Variants in TSPAN5 observed in about 807,000 individuals in gnomAD.
TSPAN5 encodes tetraspanin-5.
Under a neutral mutation model 37.1 loss-of-function variants are expected in TSPAN5, and 10 were observed. The ratio of observed to expected loss-of-function variants is 0.27; its 90% CI spans 0.17 to 0.46. The LOEUF is 0.46. TSPAN5 is among the 20% of genes least tolerant of loss of function. TSPAN5 has a pLI of 1.00. For missense variants in TSPAN5, 195 were observed against 326.6 expected, an observed-to-expected ratio of 0.60 and a Z score of 3.11; for synonymous variants, 110 against 118.9, an observed-to-expected ratio of 0.93 and a Z score of 0.48.
intron 1 of TSPAN5, among the ~76,000 whole-genome samples, chr4:98,630,343 A>G (rs1266736136): frequency 6.6e-6 from 1 of 152,210 alleles, no homozygotes; most frequent in Admixed American, 6.5e-5. Context: ...CCCGCCTCCA[A>G]TACATACAGC....
At position 98,643,968 on chromosome 4, in the gene TSPAN5, C is replaced by T. The variant is rs191544299; in HGVS notation, c.81+14178G>A. Among the ~76,000 whole-genome samples, 152 of 152,322 alleles carry T rather than the reference C, an allele frequency of 1.0e-3. 1 individual carries two copies. The highest frequency in any genetic ancestry group is 1.2e-3 in the Non-Finnish European group (85 of 68,022). ...AAACAGGTGCTCAGGAAGTTCCCAG[C>T]CCGTCTTCTGCCTCCATAAGGTCAT... is the stretch of plus-strand genomic sequence containing the variant. On this transcript the variant is annotated intron_variant, in intron 1 of 7. Coordinates refer to ENST00000305798, the MANE Select transcript of TSPAN5 (RefSeq NM_005723.4).
intron 1 of TSPAN5, among the ~76,000 whole-genome samples, chr4:98,589,603 T>C: frequency 6.6e-6 from 1 of 152,186 alleles, no homozygotes; most frequent in Non-Finnish European, 1.5e-5. Flanking sequence ...GCTTCTTTTC[T>C]CCAACTGCCT....
At chr4:98,656,390 G>T (rs1402970969) in intron 1 of TSPAN5, among the ~76,000 whole-genome samples, 1 of 152,162 alleles carries the variant, frequency 6.6e-6, no homozygotes, top group Non-Finnish European at 1.5e-5. Context: ...GAAACAAGAG[G>T]CCTGAACTCA....
chr4:98,583,689 C>A (rs771044993), intron 1 of TSPAN5, among the ~76,000 whole-genome samples: 2 of 152,228 alleles, frequency 1.3e-5, no homozygotes, highest in Non-Finnish European at 2.9e-5. Context: ...CTTCACTACA[C>A]GGCCTTGGCC....
chr4:98,476,661 C>G (rs908909098), intron 5 of TSPAN5, among the ~76,000 whole-genome samples: 1 of 152,104 alleles, frequency 6.6e-6, no homozygotes, highest in Non-Finnish European at 1.5e-5. Context: ...TTAAAATATG[C>G]CCTATTTTAC....
chr4:98,530,108 G>A (rs938096135), intron 1 of TSPAN5, among the ~76,000 whole-genome samples: 6 of 152,152 alleles, frequency 3.9e-5, no homozygotes, highest in African/African-American at 1.4e-4. Flanking sequence ...CATCAGGCAT[G>A]GGCCTACTCT....
intron 1 of TSPAN5, among the ~76,000 whole-genome samples, chr4:98,552,402 C>T (rs1389184381): frequency 2.0e-5 from 3 of 152,200 alleles, no homozygotes; most frequent in Admixed American, 2.0e-4. Context: ...TTTTCATTTT[C>T]ATTCAAGGAA....
chr4:98,631,522 G>A (rs1756748595), intron 1 of TSPAN5, among the ~76,000 whole-genome samples: 1 of 151,812 alleles, frequency 6.6e-6, no homozygotes, highest in African/African-American at 2.4e-5. Context: ...CCTCCAGACT[G>A]CCTGGGCCTC....
intron 1 of TSPAN5, chr4:98,560,039 GA>G (rs1337610723): frequency 6.6e-6 from 1 of 152,140 alleles, no homozygotes; most frequent in African/African-American, 2.4e-5. Context: ...TCTTAAAGTG[GA>G]AAATGTAATT....
chr4:98,576,308 T>G (rs1371392181), intron 1 of TSPAN5, among the ~76,000 whole-genome samples: 1 of 152,206 alleles, frequency 6.6e-6, no homozygotes, highest in African/African-American at 2.4e-5. Flanking sequence ...AACTTAAACT[T>G]ACATTGCTAA....
intron 2 of TSPAN5, among the ~76,000 whole-genome samples, chr4:98,492,253 T>C (rs1753100781): frequency 6.6e-6 from 1 of 152,134 alleles, no homozygotes; most frequent in South Asian, 2.1e-4. Context: ...CTCCAGAGCC[T>C]TGTGAAGCAT....
Position 98,472,327 on chromosome 4 carries a change from C to T in TSPAN5, c.*195G>A. 1 of 473,174 alleles carries T rather than the reference C, an allele frequency of 2.1e-6. No individual in the cohort carries two copies. The highest frequency in any genetic ancestry group is 3.3e-5 in the East Asian group (1 of 29,908). The allele number at this position is 473,174 out of a possible 1,614,324, so 29.3% of individuals were successfully genotyped here. On this transcript the variant is annotated 3_prime_UTR_variant, in exon 8 of 8. Coordinates refer to ENST00000305798, the MANE Select transcript of TSPAN5 (RefSeq NM_005723.4). ...GATTCACGGCGCAACGACTTTCATA[C>T]TGGTTATTTTTTTTTTTAATTCTGT...
intron 1 of TSPAN5, among the ~76,000 whole-genome samples, chr4:98,556,025 CACACACACAGCA>C (rs1481878008): frequency 7.9e-6 from 1 of 126,424 alleles, no homozygotes; most frequent in African/African-American, 2.9e-5. Flanking sequence ...CACACACCCC[CACACACACAGCA>C]CCCCCACACA....
At chr4:98,534,673 G>A (rs1267919676) in intron 1 of TSPAN5, among the ~76,000 whole-genome samples, 2 of 152,188 alleles carry the variant, frequency 1.3e-5, no homozygotes, top group Non-Finnish European at 2.9e-5. Context: ...AGGTCTCTAA[G>A]AACTTGCTTT....
In TSPAN5 at chr4:98,471,054, G is replaced by A. The variant is rs1444440471; in HGVS notation, c.*1468C>T. 6.6e-6 allele frequency: 1 copy of A among 152,188 alleles called. No individual in the cohort carries two copies. Among genetic ancestry groups the A allele is most frequent in the African/African-American group, 2.4e-5 (1 of 41,438 alleles). The allele number at this position is 152,188 out of a possible 1,614,324, so 9.4% of individuals were successfully genotyped here. The stretch of plus-strand genomic sequence containing the variant: ...CTCGTCCCTCCCACCTAAAGTGGGG[G>A]CAGGAGCGGCAGCACCAGGAAGTGG... On this transcript the variant is annotated 3_prime_UTR_variant, in exon 8 of 8. Coordinates refer to ENST00000305798, the MANE Select transcript of TSPAN5 (RefSeq NM_005723.4).
At chr4:98,605,166 A>C (rs926529176) in intron 1 of TSPAN5, among the ~76,000 whole-genome samples, 1 of 152,190 alleles carries the variant, frequency 6.6e-6, no homozygotes, top group Admixed American at 6.5e-5. Flanking sequence ...TGAAACAAAG[A>C]ACTATTTTCA....
chr4:98,609,566 C>T (rs1756131389), intron 1 of TSPAN5, among the ~76,000 whole-genome samples: 1 of 151,720 alleles, frequency 6.6e-6, no homozygotes, highest in African/African-American at 2.4e-5. Context: ...AAGGAAGCTC[C>T]CCACGAGCAC....
chr4:98,548,822 G>A (rs949349010), intron 1 of TSPAN5, among the ~76,000 whole-genome samples: 7 of 151,962 alleles, frequency 4.6e-5, no homozygotes, highest in African/African-American at 1.5e-4. Context: ...AAGGCCTCCA[G>A]TTCCATCCAT....
intron 4 of TSPAN5, among the ~76,000 whole-genome samples, chr4:98,479,509 A>G (rs1221443826): frequency 6.6e-6 from 1 of 152,216 alleles, no homozygotes; most frequent in Non-Finnish European, 1.5e-5. Flanking sequence ...TTCCTATCCC[A>G]GAAAAGCAGA....
Sources: gnomAD v4.1 joint callset for allele counts (sites outside exome capture counted in the v4.1 genomes callset) on GRCh38, gnomAD v4.1.1 for gene constraint, MANE v1.5 for transcripts, NCBI Gene and HGNC (gene_info 2026-07-23, HGNC 2026-07-21) for gene names.